Variants in PIGU observed in about 807,000 individuals in gnomAD.
PIGU encodes the protein phosphatidylinositol glycan anchor biosynthesis class U, also known as GPI-anchor transamidase component PIGU.
A neutral mutation model predicts 49.9 loss-of-function variants in PIGU; 24 were observed. The observed-to-expected ratio is 0.48, with a 90% CI of 0.35 to 0.68. PIGU has a LOEUF of 0.68. Ranked by LOEUF, PIGU falls within the 30% of genes least tolerant of loss-of-function variation. The pLI is 0.01. For synonymous variants in PIGU, 220 were observed against 205.7 expected (o/e 1.07, Z -0.59); for missense variants, 490 against 532.6 (o/e 0.92, Z 0.79).
intron 2 of PIGU, among the ~76,000 whole-genome samples, chr20:34,650,700 C>CTCTTTTTTTTTTT (rs1986509194): frequency 1.0e-4 from 4 of 38,796 alleles, no homozygotes; most frequent in African/African-American, 4.6e-4. Context: ...CTTTTTTTCT[C>CTCTTTTTTTTTTT]TTTTTTTTTT....
At position 34,560,803 on chromosome 20, in the gene PIGU, G is replaced by A. The variant is rs141314118; in HGVS notation, c.*63C>T. 0.025 allele frequency: 31,555 copies of A among 1,254,126 alleles called. 533 individuals are homozygous for A. The highest frequency in any genetic ancestry group is 0.063 in the Admixed American group (2,358 of 37,316). 77.7% of individuals were successfully genotyped at this position (1,254,126 alleles called of 1,614,324 possible). A position where few individuals can be genotyped will look rare whatever the true frequency, so the allele number is the denominator to read the frequency against. On this transcript the variant is annotated 3_prime_UTR_variant, in exon 12 of 12. Transcript: ENST00000217446. ...CGCCTGCTGGCAACTCTGGCTGGAG[G>A]GCTTGGCCCAGCTTCTGGCCCCACA...
chr20:34,634,077 T>A (rs564672591), intron 6 of PIGU, among the ~76,000 whole-genome samples: 79 of 152,096 alleles, frequency 5.2e-4, no homozygotes, highest in African/African-American at 9.4e-4. Flanking sequence ...GAACCTTTTT[T>A]AATTTTTTTT....
chr20:34,595,866 A>G lies in PIGU; in HGVS notation c.628-7259T>C, dbSNP rs186980405. On this transcript the variant is annotated intron_variant, in intron 7 of 11. Coordinates refer to ENST00000217446, the MANE Select transcript of PIGU (RefSeq NM_080476.5). Reference sequence around the variant, plus strand: ...TTAATCCCAGCACTTTGGGAGGCCAAGGTGGGTGGATCACTTGAAGTCAGG... The same window carrying G: ...TTAATCCCAGCACTTTGGGAGGCCAGGGTGGGTGGATCACTTGAAGTCAGG... 2.4e-4 allele frequency among the ~76,000 whole-genome samples: 36 copies of G among 152,314 alleles called. 1 individual carries two copies. The East Asian group carries it at 6.9e-3, about 29-fold the overall frequency.
intron 11 of PIGU, among the ~76,000 whole-genome samples, chr20:34,565,274 T>TC (rs1468883906): frequency 6.6e-6 from 1 of 151,298 alleles, no homozygotes; most frequent in African/African-American, 2.4e-5. Flanking sequence ...TAGTTTTTTT[T>TC]TGAGACGAAG....
Position 34,674,777 on chromosome 20 carries a change from A to G in PIGU, c.130+2179T>C, listed in dbSNP as rs919687354. On this transcript the variant is annotated intron_variant, in intron 1 of 11. Transcript: ENST00000217446. ...CCCCATCTCTACAAAAAATACAAAAAAATAATAATAATAACAAGTAGGGTT... is the reference window on the plus strand; with the variant it reads ...CCCCATCTCTACAAAAAATACAAAAGAATAATAATAATAACAAGTAGGGTT... 2.0e-5 allele frequency among the ~76,000 whole-genome samples: 3 copies of G among 151,784 alleles called. No homozygotes were observed. The East Asian group carries it at 5.8e-4, about 29-fold the overall frequency.
intron 1 of PIGU, among the ~76,000 whole-genome samples, chr20:34,664,563 G>A (rs915712896): frequency 1.3e-5 from 2 of 152,162 alleles, no homozygotes; most frequent in Non-Finnish European, 2.9e-5. Context: ...GCCTATTTGG[G>A]AGGCTAAGGT....
chr20:34,677,043 C>A lies in PIGU; in HGVS notation c.43G>T (p.Val15Leu). 1 of 1,575,914 alleles carries A rather than the reference C, an allele frequency of 6.3e-7. No homozygotes were observed. Among genetic ancestry groups the A allele is most frequent in the Admixed American group, 1.9e-5 (1 of 53,676 alleles). The change falls in exon 1 of 12, where the codon GTG becomes TTG. Residue 15 changes from valine (V) to leucine (L), a missense_variant. Coordinates refer to ENST00000217446, the MANE Select transcript of PIGU (RefSeq NM_080476.5). ...LVLVLVVAVT[V>L]RAALFRSSLA... ...CTGGAGCGGAACAAGGCCGCCCGCA[C>A]TGTCACAGCCACCACCAGCACCAGG...
At chr20:34,666,853 C>T (rs1600673609) in intron 1 of PIGU, among the ~76,000 whole-genome samples, 1 of 151,996 alleles carries the variant, frequency 6.6e-6, no homozygotes, top group East Asian at 1.9e-4. Context: ...CCTGCCACCA[C>T]GCCAGGCTAA....
chr20:34,620,634 AC>A (rs1985172260), intron 6 of PIGU, among the ~76,000 whole-genome samples: 2 of 151,758 alleles, frequency 1.3e-5, no homozygotes, highest in Non-Finnish European at 2.9e-5. Context: ...ACACGGTGAA[AC>A]CCTGTTTCTA....
At chr20:34,641,407 AG>A (rs1460996245) in intron 4 of PIGU, among the ~76,000 whole-genome samples, 2 of 152,174 alleles carry the variant, frequency 1.3e-5, no homozygotes, top group Admixed American at 1.3e-4. Flanking sequence ...AAGGGGACAC[AG>A]GTTTTTATCA....
At chr20:34,655,380 C>T (rs6058096) in intron 2 of PIGU, among the ~76,000 whole-genome samples, 81,291 of 117,806 alleles carry the variant, frequency 0.69, 34,957 homozygotes, top group Middle Eastern at 0.79. Context: ...CCAATAAGAA[C>T]GGAAAGGGCA....
At chr20:34,657,310 C>A in intron 1 of PIGU, 66 bp from the exon 2 acceptor site, 3 of 1,182,312 alleles carry the variant, frequency 2.5e-6, no homozygotes, top group Admixed American at 1.8e-5. Flanking sequence ...TTGTTAGATA[C>A]CCCCACAACC....
rs995798429 is a variant in PIGU, at chr20:34,662,975, G to A, written c.131-5731C>T. 4.6e-5 allele frequency among the ~76,000 whole-genome samples: 7 copies of A among 152,104 alleles called. No homozygotes were observed. In the South Asian group the frequency reaches 8.3e-4, roughly 18 times the overall value. On this transcript the variant is annotated intron_variant, in intron 1 of 11. Coordinates refer to ENST00000217446, the MANE Select transcript of PIGU (RefSeq NM_080476.5). The stretch of plus-strand genomic sequence containing the variant: ...AGACTGGAGTACAGGAATTACAAAC[G>A]TGGCTCACTGCAGCCTCAACCTCCT...
intron 7 of PIGU, among the ~76,000 whole-genome samples, chr20:34,598,333 T>C (rs1330185274): frequency 2.0e-5 from 3 of 152,050 alleles, no homozygotes; most frequent in African/African-American, 4.8e-5. Flanking sequence ...TGGTTTGAGA[T>C]TTAGGAGTGA....
At chr20:34,569,985 GT>G (rs1982937983) in intron 11 of PIGU, among the ~76,000 whole-genome samples, 1 of 152,126 alleles carries the variant, frequency 6.6e-6, no homozygotes, top group Non-Finnish European at 1.5e-5. Flanking sequence ...CCAAGCCTCA[GT>G]TTCCTCATTT....
At chr20:34,584,578 C>A (rs949955425) in intron 9 of PIGU, among the ~76,000 whole-genome samples, 3 of 144,148 alleles carry the variant, frequency 2.1e-5, no homozygotes, top group Admixed American at 1.4e-4. Flanking sequence ...GTGGCACAAG[C>A]AGCTCGCTGA....
At chr20:34,670,084 G>A (rs903991223) in intron 1 of PIGU, among the ~76,000 whole-genome samples, 5 of 152,148 alleles carry the variant, frequency 3.3e-5, no homozygotes, top group African/African-American at 1.2e-4. Context: ...GCAAAGTTCT[G>A]ATTCTTGACT....
At chr20:34,643,185 G>A (rs1423964143) in intron 4 of PIGU, among the ~76,000 whole-genome samples, 1 of 152,070 alleles carries the variant, frequency 6.6e-6, no homozygotes, top group Non-Finnish European at 1.5e-5. Context: ...TTTAGAGGAA[G>A]AGTCAAAGAC....
At chr20:34,649,990 A>G (rs1243212251) in intron 2 of PIGU, among the ~76,000 whole-genome samples, 1 of 151,606 alleles carries the variant, frequency 6.6e-6, no homozygotes, top group African/African-American at 2.4e-5. Flanking sequence ...CAGGGACTAC[A>G]GGCGCCCGCC....
Sources: allele counts gnomAD v4.1 joint callset (sites outside exome capture counted in the v4.1 genomes callset), GRCh38; gene constraint gnomAD v4.1.1; transcripts MANE v1.5; gene names NCBI Gene and HGNC (gene_info 2026-07-23, HGNC 2026-07-21).